The following MBD5 variants were observed in gnomAD, a reference collection of about 807,000 sequenced individuals.
MBD5 encodes methyl-CpG-binding domain protein 5.
In MBD5, 13 loss-of-function variants were observed where a neutral mutation model predicts 117.3. The observed-to-expected ratio is 0.11, with a 90% confidence interval of 0.07 to 0.18. The LOEUF is 0.18. MBD5 is among the 10% of genes least tolerant of loss of function. The pLI is 1.00. For synonymous variants in MBD5, 727 were observed against 766.4 expected (o/e 0.95, Z 0.85); for missense variants, 1,879 against 2,093.8 (o/e 0.90, Z 2.00).
At chr2:148,299,316 C>G (rs1454946827) in intron 3 of MBD5, among the ~76,000 whole-genome samples, 2 of 152,006 alleles carry the variant, frequency 1.3e-5, no homozygotes, top group African/African-American at 2.4e-5. Flanking sequence ...TTAGTAGAGA[C>G]AGGTTTCCTC....
At chr2:148,255,844 C>T (rs991752372) in intron 3 of MBD5, among the ~76,000 whole-genome samples, 4 of 152,238 alleles carry the variant, frequency 2.6e-5, no homozygotes, top group South Asian at 2.1e-4. Flanking sequence ...GTATGGCACA[C>T]GGAATCTCCA....
intron 1 of MBD5, among the ~76,000 whole-genome samples, chr2:148,114,218 C>T (rs1414073223): frequency 6.6e-6 from 1 of 152,120 alleles, no homozygotes; most frequent in Non-Finnish European, 1.5e-5. Context: ...ACCTGTAATC[C>T]CAGCACTTTT....
intron 3 of MBD5, among the ~76,000 whole-genome samples, chr2:148,243,529 A>T (rs1456439945): frequency 6.6e-6 from 1 of 152,134 alleles, no homozygotes; most frequent in Admixed American, 6.6e-5. Flanking sequence ...TAACAATCAT[A>T]TTAAACCTTA....
At position 148,353,347 on chromosome 2, in the gene MBD5, T is replaced by G. The variant is rs562287659; in HGVS notation, c.-557+11011T>G. On this transcript the variant is annotated intron_variant, in intron 4 of 13. Coordinates refer to ENST00000642680, the MANE Select transcript of MBD5 (RefSeq NM_001378120.1). ...AAAACATGCGCATGGTTAAAATAAATGGTCCTTTGGCCCAAATTTTCCCAT... is the reference window on the plus strand; with the variant it reads ...AAAACATGCGCATGGTTAAAATAAAGGGTCCTTTGGCCCAAATTTTCCCAT... Among the ~76,000 whole-genome samples the G allele has an allele frequency of 5.9e-4, 90 of 152,278 alleles. 1 individual carries two copies. The South Asian group carries it at 8.1e-3, about 14-fold the overall frequency.
At chr2:148,198,170 C>T (rs181092093) in intron 2 of MBD5, among the ~76,000 whole-genome samples, 1 of 152,224 alleles carries the variant, frequency 6.6e-6, no homozygotes, top group Admixed American at 6.5e-5. Flanking sequence ...TAACATTTTC[C>T]TCTTTTTTTC....
chr2:148,400,006 A>T (rs1276014073), intron 4 of MBD5, among the ~76,000 whole-genome samples: 3 of 152,142 alleles, frequency 2.0e-5, no homozygotes, highest in Non-Finnish European at 4.4e-5. Context: ...GTTGAAGCCC[A>T]CTTGATCATG....
chr2:148,220,289 T>C (rs971543411), intron 2 of MBD5, among the ~76,000 whole-genome samples: 1 of 152,216 alleles, frequency 6.6e-6, no homozygotes, highest in African/African-American at 2.4e-5. Flanking sequence ...TTACTTAAAA[T>C]GTAAAAATAA....
chr2:148,065,476 G>A (rs369555793), intron 1 of MBD5, among the ~76,000 whole-genome samples: 16 of 151,978 alleles, frequency 1.1e-4, no homozygotes, highest in South Asian at 2.1e-4. Context: ...GTTGTGTGGC[G>A]GAAACCAGAC....
At chr2:148,028,547 T>C (rs1288621300) in intron 1 of MBD5, 1 of 152,072 alleles carries the variant, frequency 6.6e-6, no homozygotes, top group Non-Finnish European at 1.5e-5. Context: ...TACTAATCTG[T>C]TGGCCATCAA....
intron 3 of MBD5, among the ~76,000 whole-genome samples, chr2:148,282,913 G>C (rs1010545020): frequency 2.3e-5 from 3 of 129,470 alleles, no homozygotes; most frequent in African/African-American, 8.9e-5. Flanking sequence ...CCCCCCATCA[G>C]ATGCAATTAT....
chr2:148,259,665 C>G (rs755660355), intron 3 of MBD5, among the ~76,000 whole-genome samples: 2 of 152,128 alleles, frequency 1.3e-5, no homozygotes, highest in Non-Finnish European at 2.9e-5. Context: ...TGCAAGTGAG[C>G]CATATGTGCA....
chr2:148,302,042 T>G (rs1028952964), intron 3 of MBD5, among the ~76,000 whole-genome samples: 8 of 152,244 alleles, frequency 5.3e-5, no homozygotes, highest in Non-Finnish European at 1.0e-4. Flanking sequence ...GGCCCTCTCC[T>G]GCCTTGCTCG....
Position 148,220,054 on chromosome 2 carries a change from G to A in MBD5, c.-830-13191G>A, listed in dbSNP as rs542646478. ...AATAGGTAAGTAGTTGATAGAAAAA[G>A]GAAAGGAAGGAAACCAACCTAGATC... is the stretch of plus-strand genomic sequence containing the variant. On this transcript the variant is annotated intron_variant, in intron 2 of 13. Transcript: ENST00000642680. The A allele has an allele frequency of 1.8e-4, 27 of 152,132 alleles. 1 individual carries two copies. Among genetic ancestry groups the A allele is most frequent in the African/African-American group, 6.5e-4 (27 of 41,538 alleles). The allele number at this position is 152,132 out of a possible 1,614,324, so 9.4% of individuals were successfully genotyped here. A position where few individuals can be genotyped will look rare whatever the true frequency, so the allele number is the denominator to read the frequency against.
chr2:148,384,654 G>C (rs1704282374), intron 4 of MBD5, among the ~76,000 whole-genome samples: 1 of 151,944 alleles, frequency 6.6e-6, no homozygotes, highest in Admixed American at 6.6e-5. Context: ...ACATTGCCAA[G>C]TCAATCCTAA....
chr2:148,470,076 A>G lies in MBD5; in HGVS notation c.2133A>G (p.Gln711=). 1 of 1,613,876 alleles carries G rather than the reference A, an allele frequency of 6.2e-7. No individual in the cohort carries two copies. Among genetic ancestry groups the G allele is most frequent in the Non-Finnish European group, 8.5e-7 (1 of 1,179,876 alleles). The part of the protein sequence containing the change: ...MSQLLQSMSC[Q]SSHLSSNSTP... ...AGTTACTACAGTCTATGAGTTGTCA[A>G]AGCTCTCACTTGAGTAGCAATAGTA... The change falls in exon 8 of 14, where the codon CAA becomes CAG. Residue 711 remains glutamine, a synonymous_variant. Coordinates refer to ENST00000642680, the MANE Select transcript of MBD5 (RefSeq NM_001378120.1).
intron 4 of MBD5, among the ~76,000 whole-genome samples, chr2:148,432,676 T>C (rs1706027185): frequency 6.6e-6 from 1 of 152,178 alleles, no homozygotes; most frequent in Non-Finnish European, 1.5e-5. Flanking sequence ...CAGATGGTTG[T>C]AGGCGTGCAG....
intron 1 of MBD5, among the ~76,000 whole-genome samples, chr2:148,074,789 A>G (rs1436461694): frequency 6.6e-6 from 1 of 152,142 alleles, no homozygotes; most frequent in Non-Finnish European, 1.5e-5. Flanking sequence ...GGCGTGAGCC[A>G]CCACACCCAG....
chr2:148,325,264 A>C (rs1574288658), intron 3 of MBD5, among the ~76,000 whole-genome samples: 1 of 152,250 alleles, frequency 6.6e-6, no homozygotes, highest in East Asian at 1.9e-4. Context: ...TTTTTGCATC[A>C]ATGTTCATCA....
At chr2:148,481,336 G>T (rs1481896149) in intron 8 of MBD5, among the ~76,000 whole-genome samples, 2 of 152,022 alleles carry the variant, frequency 1.3e-5, no homozygotes, top group Non-Finnish European at 2.9e-5. Context: ...AAAACAAGAA[G>T]AATATAAAAT....
Sources: allele counts gnomAD v4.1 joint callset (sites outside exome capture counted in the v4.1 genomes callset), GRCh38; gene constraint gnomAD v4.1.1; transcripts MANE v1.5; gene names NCBI Gene and HGNC (gene_info 2026-07-23, HGNC 2026-07-21).